NOP9: variants seen among roughly 807,000 people sequenced by gnomAD.
NOP9 encodes the protein nucleolar protein 9.
In NOP9, 50 loss-of-function variants were observed where a neutral mutation model predicts 63.0. That is an observed-to-expected ratio of 0.79 (90% confidence interval 0.63 to 1.00). The LOEUF (loss-of-function observed/expected upper bound fraction) is 1.00. NOP9 is among the 50% of genes least tolerant of loss of function. The pLI, the probability that NOP9 is intolerant of heterozygous loss-of-function variation, is 0.00. For synonymous variants in NOP9, 343 were observed against 332.8 expected, an observed-to-expected ratio of 1.03 and a Z score of -0.33; for missense variants, 758 against 803.0, an observed-to-expected ratio of 0.94 and a Z score of 0.68.
At position 24,307,107 on chromosome 14, in the gene NOP9, A is replaced by C; in HGVS notation, c.*2012A>C. On this transcript the variant is annotated 3_prime_UTR_variant, in exon 10 of 10. Coordinates refer to ENST00000267425, the MANE Select transcript of NOP9 (RefSeq NM_174913.3). ...AGAATTTGAACTTGATTTGTCACAC[A>C]AATCACCTTTCCATACTAGCTTCTG... 1 of 374,050 alleles carries C rather than the reference A, an allele frequency of 2.7e-6. No individual in the cohort carries two copies. Among genetic ancestry groups the C allele is most frequent in the East Asian group, 4.3e-5 (1 of 23,320 alleles). 23.2% of individuals were successfully genotyped at this position (374,050 alleles called of 1,614,324 possible). A position where few individuals can be genotyped will look rare whatever the true frequency, so the allele number is the denominator to read the frequency against.
chr14:24,305,467 G>A lies in NOP9; in HGVS notation c.*372G>A, dbSNP rs1566414971. On this transcript the variant is annotated 3_prime_UTR_variant, in exon 10 of 10. Transcript: ENST00000267425. ...TCAGGTAAGGGTATAGACTTGGGAT[G>A]TGAGGCGTTATGCTGAAAGGTTCTG... 3 of 786,980 alleles carry A rather than the reference G, an allele frequency of 3.8e-6. No homozygotes were observed. The Admixed American group carries it at 9.2e-5, about 24-fold the overall frequency. 48.7% of individuals were successfully genotyped at this position (786,980 alleles called of 1,614,324 possible). A position where few individuals can be genotyped will look rare whatever the true frequency, so the allele number is the denominator to read the frequency against.
the NOP9 span, chr14:24,271,233 G>T: frequency 1.5e-6 from 2 of 1,325,554 alleles, no homozygotes; most frequent in South Asian, 3.2e-5. Flanking sequence ...GCTGTGTCCG[G>T]AAGCAGCAAG....
At chr14:24,276,488 C>G in the NOP9 span, among the ~76,000 whole-genome samples, 1 of 152,012 alleles carries the variant, frequency 6.6e-6, no homozygotes, top group East Asian at 1.9e-4. Flanking sequence ...CAGGATCTTT[C>G]TATATTGCCC....
rs548707194 is a variant in NOP9 at position 24,300,752 on chromosome 14, T to C, written c.592T>C (p.Cys198Arg). ...AEVCDDFLVY[C>R]GDTHGSFVVR... ...GGTGTGTGATGATTTTCTTGTCTAC[T>C]GTGGAGACACACATGGCAGCTTCGT... Residue 198 changes from cysteine (C) to arginine (R), a missense_variant, in exon 2 of 10, where the codon TGT (cysteine) becomes CGT (arginine). Coordinates refer to ENST00000267425, the MANE Select transcript of NOP9 (RefSeq NM_174913.3). 6.2e-7 allele frequency: 1 copy of C among 1,614,176 alleles called. No homozygotes were observed. The highest frequency in any genetic ancestry group is 1.1e-5 in the South Asian group (1 of 91,086).
In NOP9 at chr14:24,300,660, A is replaced by AGGG. The variant is rs1379077077; in HGVS notation, c.502_503insGGG (p.Glu167_Glu168insGly). 6.2e-7 allele frequency: 1 copy of AGGG among 1,613,098 alleles called. No homozygotes were observed. The highest frequency in any genetic ancestry group is 8.5e-7 in the Non-Finnish European group (1 of 1,179,726). On this transcript the variant is annotated inframe_insertion, in exon 2 of 10. Coordinates refer to ENST00000267425, the MANE Select transcript of NOP9 (RefSeq NM_174913.3). Reference sequence around the variant, plus strand: ...AGTGCTGCAGAGGAGGAGGAGGAGGAGGAGGAGGATGGAAAGGATGGTCCC... The same window carrying AGGG: ...AGTGCTGCAGAGGAGGAGGAGGAGGAGGGGGAGGAGGATGGAAAGGATGGTCCC...
chr14:24,296,236 C>G (rs917200696), upstream of NOP9, among the ~76,000 whole-genome samples: 1 of 152,198 alleles, frequency 6.6e-6, no homozygotes, highest in Non-Finnish European at 1.5e-5. Flanking sequence ...AGGCTTCCTC[C>G]CTTCTGGGTC....
At chr14:24,301,590 C>T in intron 2 of NOP9, 22 bp from the exon 3 acceptor site, 1 of 1,613,906 alleles carries the variant, frequency 6.2e-7, no homozygotes, top group South Asian at 1.1e-5. Flanking sequence ...CCCCACTGCA[C>T]ATGTTCTTAA....
the NOP9 span, among the ~76,000 whole-genome samples, chr14:24,289,158 A>G: frequency 1.3e-4 from 20 of 151,742 alleles, no homozygotes; most frequent in Non-Finnish European, 2.6e-4. Flanking sequence ...TTTTCTTTGT[A>G]TTTTTAGTAG....
In NOP9 at chr14:24,306,483, ACCAGGGTTAGCACT is replaced by A. The variant is rs775596806; in HGVS notation, c.*1392_*1405del. 1 of 1,614,244 alleles carries A rather than the reference ACCAGGGTTAGCACT, an allele frequency of 6.2e-7. No individual in the cohort carries two copies. Among genetic ancestry groups the A allele is most frequent in the South Asian group, 1.1e-5 (1 of 91,090 alleles). On this transcript the variant is annotated 3_prime_UTR_variant, in exon 10 of 10. Transcript: ENST00000267425. The stretch of plus-strand genomic sequence containing the variant: ...CACTGCAGTTCCATCCTCCTCTAGC[ACCAGGGTTAGCACT>A]CCATTCAGCAGTAGGGTCTCCAATG...
chr14:24,302,075 C>G lies in NOP9; in HGVS notation c.919C>G (p.Leu307Val). ...TCTCTGCAATGCTGTGATTGGCTAC[C>G]TGAGTACTCGCGGTTCCTCAGTAGA... is the stretch of plus-strand genomic sequence containing the variant. ...AHLCNAVIGYLSTRGSSVDGS... is the reference protein window; with the variant it reads ...AHLCNAVIGYVSTRGSSVDGS... Residue 307 changes from leucine to valine, a missense_variant, in exon 4 of 10, where the codon CTG (leucine) becomes GTG (valine). Transcript: ENST00000267425. 6.2e-7 allele frequency: 1 copy of G among 1,614,046 alleles called. No individual in the cohort carries two copies. Among genetic ancestry groups the G allele is most frequent in the Non-Finnish European group, 8.5e-7 (1 of 1,179,960 alleles).
At chr14:24,279,828 A>T in the NOP9 span, among the ~76,000 whole-genome samples, 1 of 152,218 alleles carries the variant, frequency 6.6e-6, no homozygotes, top group Non-Finnish European at 1.5e-5. Flanking sequence ...GGTTTTGGGC[A>T]TATATGATGT....
rs763437093 is a variant in NOP9 at position 24,304,966 on chromosome 14, C to A, written c.1782C>A (p.Asp594Glu). 2 of 1,574,302 alleles carry A rather than the reference C, an allele frequency of 1.3e-6. No homozygotes were observed. The highest frequency in any genetic ancestry group is 2.3e-5 in the East Asian group (1 of 43,798). Residue 594 changes from aspartate to glutamate, a missense_variant, in exon 10 of 10, where the codon GAC (aspartate) becomes GAA (glutamate). Physicochemically the swap from Asp to Glu is conservative, Grantham distance 45. Transcript: ENST00000267425. ...AGCAGAACCAGGAGCTGATAAGAGACCCTTTCGGCCACCATGTGGCTCGAA... is the reference window on the plus strand; with the variant it reads ...AGCAGAACCAGGAGCTGATAAGAGAACCTTTCGGCCACCATGTGGCTCGAA... ...LGEQNQELIRDPFGHHVARNV... is the reference protein window; with the variant it reads ...LGEQNQELIREPFGHHVARNV...
chr14:24,284,898 C>T, the NOP9 span, among the ~76,000 whole-genome samples: 9 of 152,276 alleles, frequency 5.9e-5, no homozygotes, highest in South Asian at 6.2e-4. Context: ...TCACTCACAT[C>T]GTCTCCTCAC....
chr14:24,273,796 T>G, the NOP9 span, among the ~76,000 whole-genome samples: 2 of 152,328 alleles, frequency 1.3e-5, no homozygotes, highest in Admixed American at 6.5e-5. Flanking sequence ...CTACAAATCC[T>G]AGCTTTGCCA....
Position 24,306,565 on chromosome 14 carries a change from T to C in NOP9, c.*1470T>C, listed in dbSNP as rs749590069. 1.3e-5 allele frequency: 21 copies of C among 1,613,180 alleles called. No individual in the cohort carries two copies. Among genetic ancestry groups the C allele is most frequent in the Non-Finnish European group, 1.7e-5 (20 of 1,179,304 alleles). ...AGCAAGAAGGGCAGGTCTTATCCCATGCCCCTTCCCTCTTTAGCTGCCCAA... is the reference window on the plus strand; with the variant it reads ...AGCAAGAAGGGCAGGTCTTATCCCACGCCCCTTCCCTCTTTAGCTGCCCAA... On this transcript the variant is annotated 3_prime_UTR_variant, in exon 10 of 10. Coordinates refer to ENST00000267425, the MANE Select transcript of NOP9 (RefSeq NM_174913.3).
upstream of NOP9, chr14:24,296,616 G>A: frequency 6.2e-7 from 1 of 1,613,884 alleles, no homozygotes; most frequent in Non-Finnish European, 8.5e-7. Context: ...GGTGATGAAT[G>A]ATCTGAAGGT....
At chr14:24,285,003 C>T in the NOP9 span, among the ~76,000 whole-genome samples, 5 of 152,276 alleles carry the variant, frequency 3.3e-5, no homozygotes, top group East Asian at 1.9e-4. Context: ...GTGACTTGTC[C>T]GTAAACCTGG....
Position 24,300,772 on chromosome 14 carries a change from C to T in NOP9, c.612C>T (p.Ser204=). ...TCTACTGTGGAGACACACATGGCAGCTTCGTGGTCAGAACTCTGCTTCAGG... is the reference window on the plus strand; with the variant it reads ...TCTACTGTGGAGACACACATGGCAGTTTCGTGGTCAGAACTCTGCTTCAGG... ...FLVYCGDTHG[S]FVVRTLLQVL... The change falls in exon 2 of 10, where the codon AGC becomes AGT. Residue 204 remains serine, a synonymous_variant. Transcript: ENST00000267425. 1 of 1,614,156 alleles carries T rather than the reference C, an allele frequency of 6.2e-7. No homozygotes were observed. Among genetic ancestry groups the T allele is most frequent in the Middle Eastern group, 1.6e-4 (1 of 6,062 alleles).
At chr14:24,292,158 G>C in the NOP9 span, 1 of 1,613,898 alleles carries the variant, frequency 6.2e-7, no homozygotes, top group Non-Finnish European at 8.5e-7. Flanking sequence ...CCTGTTCTCT[G>C]CTTCCTTCGC....
Sources: allele counts gnomAD v4.1 joint callset (sites outside exome capture counted in the v4.1 genomes callset), GRCh38; gene constraint gnomAD v4.1.1; transcripts MANE v1.5; gene names NCBI Gene and HGNC (gene_info 2026-07-23, HGNC 2026-07-21).